The following ZBBX variants were observed in gnomAD, a reference collection of about 807,000 sequenced individuals.
ZBBX encodes the protein zinc finger B-box domain-containing protein 1.
A neutral mutation model predicts 108.5 loss-of-function variants in ZBBX; 101 were observed. The observed-to-expected ratio is 0.93, with a 90% CI of 0.79 to 1.10. The LOEUF is 1.10. ZBBX is among the 50% of genes least tolerant of loss of function. The pLI is 0.00. For missense variants in ZBBX, 1,009 were observed against 941.4 expected, an observed-to-expected ratio of 1.07 and a Z score of -0.94; for synonymous variants, 356 against 323.4, an observed-to-expected ratio of 1.10 and a Z score of -1.08.
chr3:167,358,301 T>G (rs190344138), intron 8 of ZBBX, among the ~76,000 whole-genome samples: 1 of 152,170 alleles, frequency 6.6e-6, no homozygotes, highest in African/African-American at 2.4e-5. Flanking sequence ...TAGTGTATGA[T>G]TTTACTTATA....
At chr3:167,328,293 T>G (rs1737774819) in intron 10 of ZBBX, among the ~76,000 whole-genome samples, 177 bp from the exon 11 acceptor site, 1 of 152,166 alleles carries the variant, frequency 6.6e-6, no homozygotes, top group Non-Finnish European at 1.5e-5. Flanking sequence ...TATGCTTTAC[T>G]CTGTTATTTA....
At chr3:167,268,874 C>T (rs1367077880) in intron 20 of ZBBX, among the ~76,000 whole-genome samples, 2 of 152,148 alleles carry the variant, frequency 1.3e-5, no homozygotes, top group Non-Finnish European at 2.9e-5. Context: ...GGGCCGGAAA[C>T]TATACCAGGT....
exon 1 of ZBBX, among the ~76,000 whole-genome samples, chr3:167,407,765 G>A (rs898609392): frequency 4.6e-5 from 7 of 152,000 alleles, no homozygotes; most frequent in Non-Finnish European, 8.8e-5. Context: ...GGAGGGGTTG[G>A]TCTTGCTGAT....
rs760877500 is a variant in ZBBX at position 167,290,390 on chromosome 3, C to T, written c.1880-1407G>A. Among the ~76,000 whole-genome samples the T allele has an allele frequency of 5.3e-5, 8 of 152,176 alleles. No individual in the cohort carries two copies. The East Asian group carries it at 5.8e-4, about 11-fold the overall frequency. ...GCAATCTTTGCTGTTCTGCAGCCTC[C>T]GCTGGTGATACCCAGGCAAACAGGG... On this transcript the variant is annotated intron_variant, in intron 18 of 21. Coordinates refer to ENST00000675490, the MANE Select transcript of ZBBX (RefSeq NM_001199201.2).
intron 4 of ZBBX, among the ~76,000 whole-genome samples, chr3:167,369,717 G>A (rs1259977685): frequency 6.6e-6 from 1 of 152,116 alleles, no homozygotes. Flanking sequence ...AAGTACAGGG[G>A]GCTACCTGGG....
intron 20 of ZBBX, among the ~76,000 whole-genome samples, chr3:167,272,233 A>G (rs542702938): frequency 3.9e-5 from 6 of 152,226 alleles, no homozygotes; most frequent in African/African-American, 1.4e-4. Flanking sequence ...TTTACACTCC[A>G]CTACCTATAT....
At chr3:167,263,289 C>T (rs925114467) in intron 20 of ZBBX, among the ~76,000 whole-genome samples, 1 of 152,050 alleles carries the variant, frequency 6.6e-6, no homozygotes, top group African/African-American at 2.4e-5. Context: ...TGGTGCCTGT[C>T]CTCTGGTTCT....
At chr3:167,237,703 C>A (rs922824234), downstream of ZBBX, among the ~76,000 whole-genome samples, 2 of 151,868 alleles carry the variant, frequency 1.3e-5, no homozygotes, top group East Asian at 3.9e-4. Context: ...CAGAAGGGGG[C>A]CTAGTCTACG....
chr3:167,279,949 C>A (rs1273076779), intron 20 of ZBBX, among the ~76,000 whole-genome samples: 5 of 151,828 alleles, frequency 3.3e-5, no homozygotes, highest in African/African-American at 9.7e-5. Flanking sequence ...CGCCGCATAT[C>A]TACAGCTATC....
chr3:167,306,311 C>T lies in ZBBX; in HGVS notation c.1418-361G>A, dbSNP rs144319155. Among the ~76,000 whole-genome samples, 537 of 152,264 alleles carry T rather than the reference C, an allele frequency of 3.5e-3. 13 individuals are homozygous for T. Among genetic ancestry groups the T allele is most frequent in the Admixed American group, 0.031 (472 of 15,282 alleles). On this transcript the variant is annotated intron_variant, in intron 16 of 21. Transcript: ENST00000675490. ...CAACAGTAATTCATGAGAAGTAACACAGGGGGAACATTTTTTCATTTTGCC... is the reference window on the plus strand; with the variant it reads ...CAACAGTAATTCATGAGAAGTAACATAGGGGGAACATTTTTTCATTTTGCC...
rs1737568553 is a variant in ZBBX, at chr3:167,327,271, AT to A, written c.862+670del. On this transcript the variant is annotated intron_variant, in intron 11 of 21. Coordinates refer to ENST00000675490, the MANE Select transcript of ZBBX (RefSeq NM_001199201.2). ...AAGTCAAATATTCTAAAAAAAAAAA[AT>A]TCCTCTTTATCTCACAGACTCTCCC... Among the ~76,000 whole-genome samples the A allele has an allele frequency of 2.1e-5, 3 of 145,850 alleles. No homozygotes were observed. In the South Asian group the frequency reaches 6.6e-4, roughly 32 times the overall value.
At chr3:167,217,419 C>G in the ZBBX span, among the ~76,000 whole-genome samples, 15 of 152,060 alleles carry the variant, frequency 9.9e-5, no homozygotes, top group Admixed American at 8.5e-4. Flanking sequence ...CAATGAGATA[C>G]CATCTCACAT....
upstream of ZBBX, among the ~76,000 whole-genome samples, chr3:167,383,796 C>T (rs966012169): frequency 1.6e-4 from 24 of 152,056 alleles, no homozygotes; most frequent in African/African-American, 3.6e-4. Flanking sequence ...ATTCCAGGCA[C>T]GGCCCTAAGA....
At chr3:167,366,026 C>A in intron 5 of ZBBX, 50 bp from the exon 6 acceptor site, 1 of 1,383,640 alleles carries the variant, frequency 7.2e-7, no homozygotes, top group Non-Finnish European at 1.0e-6. Flanking sequence ...CACATTTCTC[C>A]CTTTAATGAA....
At chr3:167,293,734 T>C (rs972118889) in intron 18 of ZBBX, among the ~76,000 whole-genome samples, 2 of 152,118 alleles carry the variant, frequency 1.3e-5, no homozygotes, top group African/African-American at 4.8e-5. Context: ...AGTATTCAAT[T>C]AGGAAAAGAG....
At position 167,350,486 on chromosome 3, in the gene ZBBX, A is replaced by G; in HGVS notation, c.462T>C (p.Cys154=). ...LVCLECGEDY[C]SGCFAKVHQK... ...GGTGAACTTTAGCAAAGCATCCTGA[A>G]CAATAATCTTCTCCACATTCAAGGC... The change falls in exon 9 of 22, where the codon TGT becomes TGC. Residue 154 remains cysteine (C), a synonymous_variant. Coordinates refer to ENST00000675490, the MANE Select transcript of ZBBX (RefSeq NM_001199201.2). 6.3e-7 allele frequency: 1 copy of G among 1,592,678 alleles called. No individual in the cohort carries two copies.
chr3:167,284,507 G>A (rs1345442626), intron 19 of ZBBX, among the ~76,000 whole-genome samples: 2 of 151,886 alleles, frequency 1.3e-5, no homozygotes, highest in East Asian at 1.9e-4. Flanking sequence ...CAAACCAAAC[G>A]AAAATACTAT....
At chr3:167,222,281 T>A in the ZBBX span, among the ~76,000 whole-genome samples, 955 of 151,606 alleles carry the variant, frequency 6.3e-3, 11 homozygotes, top group African/African-American at 0.022. Context: ...CTGGAGGTCA[T>A]CATGTTAACT....
At chr3:167,212,137 G>T in the ZBBX span, among the ~76,000 whole-genome samples, 3 of 152,160 alleles carry the variant, frequency 2.0e-5, no homozygotes, top group Non-Finnish European at 4.4e-5. Context: ...GAAACAGGCT[G>T]CCATCTTTGC....
Sources: allele counts gnomAD v4.1 joint callset (sites outside exome capture counted in the v4.1 genomes callset), GRCh38; gene constraint gnomAD v4.1.1; transcripts MANE v1.5; gene names NCBI Gene and HGNC (gene_info 2026-07-23, HGNC 2026-07-21).